HPSE2: variants seen among roughly 807,000 people sequenced by gnomAD.
The protein encoded by HPSE2 is heparanase 2 (inactive), also known as inactive heparanase-2.
In HPSE2, 38 loss-of-function variants were observed where a neutral mutation model predicts 60.5. That is an observed-to-expected ratio of 0.63 (90% CI 0.48 to 0.82). HPSE2 has a LOEUF of 0.82. Among genes scored for constraint, HPSE2 ranks in the 40% least tolerant of loss-of-function variants. The pLI is 0.00. For synonymous variants in HPSE2, 295 were observed against 293.2 expected (o/e 1.01, Z -0.06); for missense variants, 713 against 740.4 (o/e 0.96, Z 0.43).
chr10:98,514,514 T>C (rs1440136778), intron 9 of HPSE2, among the ~76,000 whole-genome samples: 1 of 152,200 alleles, frequency 6.6e-6, no homozygotes, highest in Non-Finnish European at 1.5e-5. Flanking sequence ...TGGCAATATG[T>C]ATCAAAAGCC....
chr10:99,207,935 T>C (rs1485699324), intron 2 of HPSE2, among the ~76,000 whole-genome samples: 1 of 151,196 alleles, frequency 6.6e-6, no homozygotes, highest in Non-Finnish European at 1.5e-5. Flanking sequence ...AAAGTTTAAT[T>C]TATAAATTAG....
chr10:99,040,493 G>A (rs532605482), intron 3 of HPSE2, among the ~76,000 whole-genome samples: 274 of 151,938 alleles, frequency 1.8e-3, no homozygotes, highest in African/African-American at 5.9e-3. Flanking sequence ...TTCTATATTC[G>A]TATCCATTTT....
At chr10:98,558,998 G>A (rs1944093140) in intron 9 of HPSE2, among the ~76,000 whole-genome samples, 1 of 152,082 alleles carries the variant, frequency 6.6e-6, no homozygotes, top group Non-Finnish European at 1.5e-5. Context: ...ATCTGAGTTT[G>A]TGTCCCTGGG....
At chr10:98,863,171 T>A (rs1952501107) in intron 3 of HPSE2, among the ~76,000 whole-genome samples, 1 of 152,158 alleles carries the variant, frequency 6.6e-6, no homozygotes, top group Non-Finnish European at 1.5e-5. Context: ...TGACCATTGG[T>A]TCCCAGAAAA....
At chr10:98,932,540 A>C (rs1954668878) in intron 3 of HPSE2, among the ~76,000 whole-genome samples, 1 of 143,644 alleles carries the variant, frequency 7.0e-6, no homozygotes, top group Admixed American at 6.9e-5. Context: ...TTTCAGAAGA[A>C]ATGGTACCAG....
At chr10:98,634,524 G>A (rs1048917114) in intron 7 of HPSE2, among the ~76,000 whole-genome samples, 2 of 85,506 alleles carry the variant, frequency 2.3e-5, no homozygotes, top group Non-Finnish European at 4.9e-5. Context: ...GTGGGTTTTT[G>A]TTTGTTTGTT....
chr10:99,233,290 CAT>C (rs1315953364), intron 1 of HPSE2, among the ~76,000 whole-genome samples: 35 of 152,106 alleles, frequency 2.3e-4, no homozygotes, highest in Non-Finnish European at 1.0e-4. Flanking sequence ...GGAAAGGTAA[CAT>C]CCTCCTCCCC....
chr10:98,702,836 T>A (rs1475543560), intron 5 of HPSE2, among the ~76,000 whole-genome samples: 2 of 152,088 alleles, frequency 1.3e-5, no homozygotes, highest in African/African-American at 4.8e-5. Context: ...GCTGGAAAGA[T>A]GTCAAATCAA....
chr10:98,631,109 G>A (rs201811101), intron 7 of HPSE2, among the ~76,000 whole-genome samples: 2 of 151,962 alleles, frequency 1.3e-5, no homozygotes, highest in East Asian at 3.9e-4. Context: ...TTTTATCATT[G>A]TGTTCTGGAG....
intron 3 of HPSE2, among the ~76,000 whole-genome samples, chr10:99,011,734 G>A (rs1021156122): frequency 2.8e-5 from 3 of 108,050 alleles, no homozygotes; most frequent in African/African-American, 3.7e-5. Flanking sequence ...CCAGCCTGGC[G>A]ACAGAGCAAG....
At chr10:98,885,105 T>C (rs1251152706) in intron 3 of HPSE2, among the ~76,000 whole-genome samples, 1 of 152,158 alleles carries the variant, frequency 6.6e-6, no homozygotes, top group Non-Finnish European at 1.5e-5. Context: ...AACAGGAGTT[T>C]AGAAGAAATT....
At chr10:98,830,516 C>A (rs1299194933) in intron 3 of HPSE2, among the ~76,000 whole-genome samples, 1 of 152,110 alleles carries the variant, frequency 6.6e-6, no homozygotes, top group Non-Finnish European at 1.5e-5. Context: ...AACACTGGGC[C>A]TCAGAGCTTA....
At chr10:98,918,517 A>G (rs1017700117) in intron 3 of HPSE2, among the ~76,000 whole-genome samples, 1 of 150,962 alleles carries the variant, frequency 6.6e-6, no homozygotes, top group Admixed American at 6.6e-5. Context: ...TGATGAGTTC[A>G]TGTCCTTTGT....
At chr10:98,677,930 T>C (rs1172507797) in intron 6 of HPSE2, among the ~76,000 whole-genome samples, 2 of 152,212 alleles carry the variant, frequency 1.3e-5, no homozygotes, top group African/African-American at 4.8e-5. Context: ...CATTTACTTA[T>C]ATTGTGGGAT....
intron 3 of HPSE2, among the ~76,000 whole-genome samples, chr10:99,051,886 T>C (rs1306199575): frequency 6.6e-6 from 1 of 151,568 alleles, no homozygotes; most frequent in Non-Finnish European, 1.5e-5. Flanking sequence ...TCTAGAAAAG[T>C]GTAAAATAAA....
At chr10:99,315,643 G>C in the HPSE2 span, among the ~76,000 whole-genome samples, 4 of 152,306 alleles carry the variant, frequency 2.6e-5, no homozygotes, top group Middle Eastern at 3.4e-3. Context: ...TTCACAGCCA[G>C]CGATGTGGTT....
intron 3 of HPSE2, among the ~76,000 whole-genome samples, chr10:98,892,586 C>T (rs1953366941): frequency 6.6e-6 from 1 of 152,146 alleles, no homozygotes; most frequent in African/African-American, 2.4e-5. Flanking sequence ...CTTTATAGAT[C>T]TCTTTAGGAA....
At chr10:99,154,944 G>T (rs890829791) in intron 2 of HPSE2, among the ~76,000 whole-genome samples, 2 of 151,530 alleles carry the variant, frequency 1.3e-5, no homozygotes, top group African/African-American at 2.4e-5. Context: ...AAAGGCAGGG[G>T]TTGCAATCCT....
intron 3 of HPSE2, among the ~76,000 whole-genome samples, chr10:98,762,307 T>G (rs1210302207): frequency 2.1e-5 from 3 of 139,908 alleles, no homozygotes; most frequent in South Asian, 2.5e-4. Flanking sequence ...GGGTGGGGGG[T>G]GCTAAAACCT....
Sources: allele counts gnomAD v4.1 joint callset (sites outside exome capture counted in the v4.1 genomes callset), GRCh38; gene constraint gnomAD v4.1.1; transcripts MANE v1.5; gene names NCBI Gene and HGNC (gene_info 2026-07-23, HGNC 2026-07-21).